The following ACSM5 variants were observed in gnomAD, a reference collection of about 807,000 sequenced individuals.
ACSM5 encodes the protein acyl-CoA synthetase medium chain family member 5.
A neutral mutation model predicts 71.6 loss-of-function variants in ACSM5; 56 were observed. The ratio of observed to expected loss-of-function variants is 0.78; its 90% CI spans 0.63 to 0.98. ACSM5 has a LOEUF of 0.98. ACSM5 is among the 50% of genes least tolerant of loss of function. The pLI, the probability that ACSM5 is intolerant of heterozygous loss-of-function variation, is 0.00. For missense variants in ACSM5, 723 were observed against 726.0 expected, an observed-to-expected ratio of 1.00 and a Z score of 0.05; for synonymous variants, 285 against 281.5, an observed-to-expected ratio of 1.01 and a Z score of -0.12.
At chr16:20,417,926 G>A (rs1036616577) in intron 2 of ACSM5, 133 bp from the exon 3 acceptor site, 2 of 871,844 alleles carry the variant, frequency 2.3e-6, no homozygotes, top group Middle Eastern at 3.5e-4. Context: ...TTCAATGCAT[G>A]TCTTTCCATA....
chr16:20,410,285 CTG>C (rs1211266206), intron 1 of ACSM5, among the ~76,000 whole-genome samples: 1 of 152,168 alleles, frequency 6.6e-6, no homozygotes, highest in Non-Finnish European at 1.5e-5. Flanking sequence ...GAAACTGAAA[CTG>C]AGGTCACACG....
At position 20,440,670 on chromosome 16, in the gene ACSM5, T is replaced by C. The variant is rs1480003512; in HGVS notation, c.*243T>C. The stretch of plus-strand genomic sequence containing the variant: ...CTTGGTGGTTCGACTTCTCCCTCTG[T>C]CTGGGGGCAGGCTCAGCATCTGCCC... On this transcript the variant is annotated 3_prime_UTR_variant, in exon 14 of 14. Transcript: ENST00000331849. 2 of 449,064 alleles carry C rather than the reference T, an allele frequency of 4.5e-6. No individual in the cohort carries two copies. Among genetic ancestry groups the C allele is most frequent in the Non-Finnish European group, 8.4e-6 (2 of 237,498 alleles). 27.8% of individuals were successfully genotyped at this position (449,064 alleles called of 1,614,324 possible).
chr16:20,425,378 C>A (rs372172436), intron 6 of ACSM5, among the ~76,000 whole-genome samples: 4 of 152,070 alleles, frequency 2.6e-5, no homozygotes, highest in African/African-American at 9.7e-5. Context: ...TTTTTCCATT[C>A]ATCTGTTGAT....
intron 2 of ACSM5, among the ~76,000 whole-genome samples, chr16:20,415,655 A>T (rs1966854944): frequency 6.6e-6 from 1 of 152,216 alleles, no homozygotes; most frequent in Non-Finnish European, 1.5e-5. Context: ...TTCTTGTAAA[A>T]GAAGAGATGA....
Position 20,441,266 on chromosome 16 carries a change from T to A in ACSM5, c.*839T>A, listed in dbSNP as rs1254770086. ...TTCTTCTTCCTTTTTCCATTACATTTCTGTATTTTCCAAGTTTTTGTACGA... is the reference window on the plus strand; with the variant it reads ...TTCTTCTTCCTTTTTCCATTACATTACTGTATTTTCCAAGTTTTTGTACGA... On this transcript the variant is annotated 3_prime_UTR_variant, in exon 14 of 14. Coordinates refer to ENST00000331849, the MANE Select transcript of ACSM5 (RefSeq NM_017888.3). 1 of 152,314 alleles carries A rather than the reference T, an allele frequency of 6.6e-6. No individual in the cohort carries two copies. The highest frequency in any genetic ancestry group is 1.9e-4 in the East Asian group (1 of 5,176). The allele number at this position is 152,314 out of a possible 1,614,324, so 9.4% of individuals were successfully genotyped here.
chr16:20,439,866 G>T lies in ACSM5; in HGVS notation c.1603G>T (p.Glu535Ter), dbSNP rs1240103763. ...SSHDPEALTR[E>*]LQEHVKRVTA... ...TCATGACCCAGAGGCACTAACGCGG[G>T]AACTCCAGGAGCATGTGAAAAGGGT... The change falls in exon 13 of 14, where the codon GAA becomes TAA. Residue 535 changes from glutamate (E) to a stop codon, truncating the protein, a stop_gained. Transcript: ENST00000331849. LOFTEE classifies it high-confidence loss of function. 1 of 1,612,316 alleles carries T rather than the reference G, an allele frequency of 6.2e-7. No homozygotes were observed. Among genetic ancestry groups the T allele is most frequent in the African/African-American group, 1.3e-5 (1 of 74,972 alleles).
At chr16:20,427,331 T>C (rs1347695509) in intron 6 of ACSM5, among the ~76,000 whole-genome samples, 1 of 152,028 alleles carries the variant, frequency 6.6e-6, no homozygotes, top group South Asian at 2.1e-4. Flanking sequence ...AACAAAAACC[T>C]CACTGGTGGT....
At chr16:20,434,523 C>T (rs1052966095) in intron 10 of ACSM5, among the ~76,000 whole-genome samples, 7 of 152,150 alleles carry the variant, frequency 4.6e-5, no homozygotes, top group African/African-American at 1.7e-4. Flanking sequence ...GTGAAACACC[C>T]TCTCTACTAA....
Position 20,418,757 on chromosome 16 carries a change from G to A in ACSM5, c.416-471G>A, listed in dbSNP as rs559697021. On this transcript the variant is annotated intron_variant, in intron 3 of 13. Transcript: ENST00000331849. ...TTAGTTGCTAGAATTTTACCCGAAC[G>A]ATGCAGTTATAGATGAGGGACCCTT... Among the ~76,000 whole-genome samples the A allele has an allele frequency of 3.9e-5, 6 of 152,262 alleles. No homozygotes were observed. In the East Asian group the frequency reaches 9.6e-4, roughly 24 times the overall value.
chr16:20,431,433 G>C (rs1967099236), intron 10 of ACSM5, 112 bp downstream of exon 10: 3 of 829,204 alleles, frequency 3.6e-6, no homozygotes, highest in South Asian at 3.2e-5. Flanking sequence ...CATGAGGTAG[G>C]TTGCTACTAT....
At chr16:20,420,171 T>C (rs1468766766) in intron 4 of ACSM5, among the ~76,000 whole-genome samples, 6 of 152,202 alleles carry the variant, frequency 3.9e-5, no homozygotes, top group African/African-American at 1.4e-4. Context: ...ACCATTGAGT[T>C]ATGAATGCTC....
intron 2 of ACSM5, among the ~76,000 whole-genome samples, chr16:20,417,606 A>G (rs1966859442): frequency 6.6e-6 from 1 of 152,166 alleles, no homozygotes; most frequent in Non-Finnish European, 1.5e-5. Flanking sequence ...GGGCAATAAA[A>G]ATGTTTTGGA....
chr16:20,440,383 A>G lies in ACSM5; in HGVS notation c.1696A>G (p.Lys566Glu), dbSNP rs141811199. 4 of 1,609,766 alleles carry G rather than the reference A, an allele frequency of 2.5e-6. No individual in the cohort carries two copies. In the African/African-American group the frequency reaches 5.3e-5, roughly 22 times the overall value. The stretch of plus-strand genomic sequence containing the variant: ...AGAACTGCCAAAGACGGTTTCTGGA[A>G]AGATCCAAAGGAGTAAATTGCGAAG... Reference protein sequence around the residue: ...VSELPKTVSGKIQRSKLRSQE... With the variant: ...VSELPKTVSGEIQRSKLRSQE... Residue 566 changes from lysine (K) to glutamate (E), a missense_variant, in exon 14 of 14, where the codon AAG (lysine) becomes GAG (glutamate). Coordinates refer to ENST00000331849, the MANE Select transcript of ACSM5 (RefSeq NM_017888.3).
chr16:20,440,603 C>A lies in ACSM5; in HGVS notation c.*176C>A. 1.6e-6 allele frequency: 1 copy of A among 607,882 alleles called. No individual in the cohort carries two copies. Among genetic ancestry groups the A allele is most frequent in the Non-Finnish European group, 3.0e-6 (1 of 335,258 alleles). 37.7% of individuals were successfully genotyped at this position (607,882 alleles called of 1,614,324 possible). On this transcript the variant is annotated 3_prime_UTR_variant, in exon 14 of 14. Transcript: ENST00000331849. ...AATGCTGGAAAGAGCAAAAGAATAT[C>A]ATTGGCCCTGATCACATAGATGCTG...
intron 2 of ACSM5, among the ~76,000 whole-genome samples, chr16:20,413,565 G>C (rs1330084928): frequency 6.6e-6 from 1 of 152,178 alleles, no homozygotes; most frequent in African/African-American, 2.4e-5. Flanking sequence ...ATAACAGTGG[G>C]ACAAACAATA....
At chr16:20,418,997 AG>A (rs1323140664) in intron 3 of ACSM5, among the ~76,000 whole-genome samples, 1 of 152,136 alleles carries the variant, frequency 6.6e-6, no homozygotes, top group East Asian at 1.9e-4. Context: ...AGAGAAACAG[AG>A]GAGGAAAGAG....
At chr16:20,423,842 T>A in intron 5 of ACSM5, 74 bp from the exon 6 acceptor site, 1 of 1,560,812 alleles carries the variant, frequency 6.4e-7, no homozygotes, top group Non-Finnish European at 8.7e-7. Context: ...CCAAATGTGG[T>A]GATATAGATA....
intron 7 of ACSM5, among the ~76,000 whole-genome samples, chr16:20,428,393 A>G (rs1967030954): frequency 6.6e-6 from 1 of 152,214 alleles, no homozygotes; most frequent in African/African-American, 2.4e-5. Flanking sequence ...AGCACATGCC[A>G]TTGGGCACCC....
intron 3 of ACSM5, 62 bp downstream of exon 3, chr16:20,418,331 T>A: frequency 1.3e-6 from 2 of 1,504,680 alleles, no homozygotes; most frequent in Non-Finnish European, 1.8e-6. Flanking sequence ...AGCTTTGCAG[T>A]GTCCACAGGG....
Sources: allele counts gnomAD v4.1 joint callset (sites outside exome capture counted in the v4.1 genomes callset), GRCh38; gene constraint gnomAD v4.1.1; transcripts MANE v1.5; gene names NCBI Gene and HGNC (gene_info 2026-07-23, HGNC 2026-07-21).